KCNC1: variants seen among roughly 807,000 people sequenced by gnomAD.
The protein encoded by KCNC1 is potassium voltage-gated channel subfamily C member 1.
In KCNC1, 8 loss-of-function variants were observed where a neutral mutation model predicts 43.4. The observed-to-expected ratio is 0.18, with a 90% CI of 0.11 to 0.33. The LOEUF (loss-of-function observed/expected upper bound fraction) is 0.33. Among genes scored for constraint, KCNC1 ranks in the 10% least tolerant of loss-of-function variants. KCNC1 has a pLI of 1.00. For synonymous variants in KCNC1, 361 were observed against 360.5 expected (o/e 1.00, Z -0.01); for missense variants, 420 against 836.0 (o/e 0.50, Z 6.14).
At position 17,777,140 on chromosome 11, in the gene KCNC1, C is replaced by G. The variant is rs1849296594; in HGVS notation, c.1505-2316C>G. On this transcript the variant is annotated intron_variant, in intron 2 of 3. Transcript: ENST00000265969. The surrounding 1 kb of genome is among the most constrained non-coding windows in gnomAD (Gnocchi z 4.3). ...TAGTGATTGTGAGAGCTGGGAGCCC[C>G]CAGGGCCTGGGGGCTTGTGGACAGA... The G allele has an allele frequency of 1.0e-6, 1 of 984,444 alleles. No individual in the cohort carries two copies. Among genetic ancestry groups the G allele is most frequent in the Non-Finnish European group, 1.2e-6 (1 of 829,632 alleles). The allele number at this position is 984,444 out of a possible 1,614,324, so 61.0% of individuals were successfully genotyped here.
chr11:17,749,124 G>A lies in KCNC1; in HGVS notation c.570+12552G>A, dbSNP rs183275890. The stretch of plus-strand genomic sequence containing the variant: ...AGCCAGACTGCCAGGGCCCAATTCT[G>A]GGTCTGCTAGTTCTTAGCTGTGTGA... On this transcript the variant is annotated intron_variant, in intron 1 of 3. Transcript: ENST00000265969. Among the ~76,000 whole-genome samples the A allele has an allele frequency of 1.3e-4, 20 of 152,270 alleles. No individual in the cohort carries two copies. The East Asian group carries it at 3.5e-3, about 27-fold the overall frequency.
In KCNC1 at chr11:17,779,343, C is replaced by A. The variant is rs1338551970; in HGVS notation, c.1505-113C>A. 5.7e-6 allele frequency: 5 copies of A among 880,158 alleles called. No individual in the cohort carries two copies. The highest frequency in any genetic ancestry group is 6.6e-6 in the Non-Finnish European group (4 of 604,192). The allele number at this position is 880,158 out of a possible 1,614,324, so 54.5% of individuals were successfully genotyped here. On this transcript the variant is annotated intron_variant, in intron 2 of 3. Coordinates refer to ENST00000265969, the MANE Select transcript of KCNC1 (RefSeq NM_001112741.2). The surrounding 1 kb of genome is among the most constrained non-coding windows in gnomAD (Gnocchi z 7.2). ...CTCCACAGCCTGCCCGCTTTTCCGT[C>A]CTCAGGGACGCTCAAGCTGCCCTCT... is the stretch of plus-strand genomic sequence containing the variant.
chr11:17,745,242 T>C (rs1354533107), intron 1 of KCNC1, among the ~76,000 whole-genome samples: 3 of 152,116 alleles, frequency 2.0e-5, no homozygotes, highest in East Asian at 1.9e-4. Context: ...CGCTCCTTCC[T>C]GAGGCTGAGG....
intron 1 of KCNC1, among the ~76,000 whole-genome samples, chr11:17,751,448 G>A (rs532821979): frequency 1.3e-4 from 20 of 152,322 alleles, no homozygotes; most frequent in African/African-American, 3.4e-4. Flanking sequence ...TTCTCCTTGC[G>A]TGCCTTCAAA....
rs115476739 is a variant in KCNC1 at position 17,761,054 on chromosome 11, G to A, written c.571-10611G>A. ...ACACCCAAGACAGGCAGGGGTCCACGTGGAAAACCCTGCAAGCATGGGGAC... is the reference window on the plus strand; with the variant it reads ...ACACCCAAGACAGGCAGGGGTCCACATGGAAAACCCTGCAAGCATGGGGAC... On this transcript the variant is annotated intron_variant, in intron 1 of 3. Coordinates refer to ENST00000265969, the MANE Select transcript of KCNC1 (RefSeq NM_001112741.2). Among the ~76,000 whole-genome samples the A allele has an allele frequency of 8.2e-3, 1,245 of 152,274 alleles. 19 individuals are homozygous for A. The highest frequency in any genetic ancestry group is 0.028 in the African/African-American group (1,168 of 41,560).
intron 1 of KCNC1, among the ~76,000 whole-genome samples, chr11:17,753,197 C>A (rs947682926): frequency 6.6e-6 from 1 of 152,212 alleles, no homozygotes; most frequent in South Asian, 2.1e-4. Flanking sequence ...GATGGGGAAA[C>A]GGCAGTGCAG....
Position 17,736,554 on chromosome 11 carries a change from C to T in KCNC1, c.552C>T (p.Tyr184=). 6.4e-7 allele frequency: 1 copy of T among 1,554,914 alleles called. No homozygotes were observed. The highest frequency in any genetic ancestry group is 8.6e-7 in the Non-Finnish European group (1 of 1,161,196). ...TCTGGGCGCTCTTCGAGGACCCGTA[C>T]TCGTCCCGCTACGCGCGGGTAAGTG... is the stretch of plus-strand genomic sequence containing the variant. ...PRIWALFEDP[Y]SSRYARYVAF... The change falls in exon 1 of 4, where the codon TAC becomes TAT. Residue 184 remains tyrosine (Y), a synonymous_variant. Coordinates refer to ENST00000265969, the MANE Select transcript of KCNC1 (RefSeq NM_001112741.2). The surrounding 1 kb of genome is among the most constrained non-coding windows in gnomAD (Gnocchi z 9.3).
chr11:17,746,407 G>A (rs1380591435), intron 1 of KCNC1, among the ~76,000 whole-genome samples: 1 of 152,142 alleles, frequency 6.6e-6, no homozygotes, highest in Non-Finnish European at 1.5e-5. Flanking sequence ...AAACCAAGAT[G>A]CACAAGTTCC....
chr11:17,775,446 T>C (rs1309460838), intron 2 of KCNC1: 1 of 985,562 alleles, frequency 1.0e-6, no homozygotes, highest in Non-Finnish European at 1.2e-6. Context: ...TGAGGGCTTG[T>C]CCTGGGAGGG....
chr11:17,752,009 A>G (rs964375842), intron 1 of KCNC1, among the ~76,000 whole-genome samples: 1 of 152,214 alleles, frequency 6.6e-6, no homozygotes, highest in Admixed American at 6.5e-5. Flanking sequence ...CTGAGGCCGC[A>G]GAAGACCCTG....
At chr11:17,750,240 C>T (rs972877033) in intron 1 of KCNC1, among the ~76,000 whole-genome samples, 4 of 152,166 alleles carry the variant, frequency 2.6e-5, no homozygotes, top group Non-Finnish European at 5.9e-5. Flanking sequence ...GATCTGGTGA[C>T]CTGGGGTGCC....
intron 1 of KCNC1, among the ~76,000 whole-genome samples, chr11:17,748,441 CCAA>C: frequency 6.6e-6 from 1 of 151,920 alleles, no homozygotes; most frequent in African/African-American, 2.4e-5. Context: ...TCTGGGGACT[CCAA>C]AGAAGGGAGG....
chr11:17,754,492 C>T (rs145068382), intron 1 of KCNC1, among the ~76,000 whole-genome samples: 4 of 152,322 alleles, frequency 2.6e-5, no homozygotes, highest in African/African-American at 7.2e-5. Context: ...AAGCACCAGC[C>T]GCCGGGGGCT....
intron 1 of KCNC1, among the ~76,000 whole-genome samples, chr11:17,759,980 C>T (rs776831110): frequency 1.4e-4 from 21 of 152,258 alleles, no homozygotes; most frequent in African/African-American, 2.6e-4. Context: ...CGCAGTCGAA[C>T]GAGGCATGTC....
chr11:17,766,712 G>A (rs1342468755), intron 1 of KCNC1, among the ~76,000 whole-genome samples: 1 of 152,126 alleles, frequency 6.6e-6, no homozygotes, highest in Non-Finnish European at 1.5e-5. Context: ...CTGGGGATAG[G>A]CACAACCTGC....
At position 17,777,251 on chromosome 11, in the gene KCNC1, AC is replaced by A. The variant is rs1353301468; in HGVS notation, c.1505-2199del. Reference sequence around the variant, plus strand: ...ACAGAGGCAGAGGCAGAGAGAAGGCACCCCCCTCTGACCCACCCCTCCCCAG... The same window carrying A: ...ACAGAGGCAGAGGCAGAGAGAAGGCACCCCCTCTGACCCACCCCTCCCCAG... On this transcript the variant is annotated intron_variant, in intron 2 of 3. Transcript: ENST00000265969. The surrounding 1 kb of genome is among the most constrained non-coding windows in gnomAD (Gnocchi z 4.3). The A allele has an allele frequency of 5.1e-6, 5 of 984,240 alleles. No individual in the cohort carries two copies. The African/African-American group carries it at 5.3e-5, about 10-fold the overall frequency. The allele number at this position is 984,240 out of a possible 1,614,324, so 61.0% of individuals were successfully genotyped here. A position where few individuals can be genotyped will look rare whatever the true frequency, so the allele number is the denominator to read the frequency against.
At chr11:17,770,471 A>G (rs2133803907) in intron 1 of KCNC1, among the ~76,000 whole-genome samples, 1 of 152,236 alleles carries the variant, frequency 6.6e-6, no homozygotes, top group African/African-American at 2.4e-5. Context: ...ACAGTGTGTT[A>G]GAGTCCCGGC....
At chr11:17,748,853 G>A (rs1247644715) in intron 1 of KCNC1, among the ~76,000 whole-genome samples, 3 of 152,032 alleles carry the variant, frequency 2.0e-5, no homozygotes, top group Non-Finnish European at 4.4e-5. Context: ...CCGTAATGAG[G>A]GGCCTCTGGC....
chr11:17,775,156 A>G, intron 2 of KCNC1: 1 of 985,482 alleles, frequency 1.0e-6, no homozygotes, highest in Non-Finnish European at 1.2e-6. Flanking sequence ...CAGCCCCCCA[A>G]GGCCTTTCCA....
Sources: allele counts gnomAD v4.1 joint callset (sites outside exome capture counted in the v4.1 genomes callset), GRCh38; gene constraint gnomAD v4.1.1; non-coding constraint Gnocchi (gnomAD v3.1); transcripts MANE v1.5; gene names NCBI Gene and HGNC (gene_info 2026-07-23, HGNC 2026-07-21).